Variants in KCNN2 observed in about 807,000 individuals in gnomAD.
KCNN2 encodes the protein small conductance calcium-activated potassium channel protein 2.
A neutral mutation model predicts 55.5 loss-of-function variants in KCNN2; 24 were observed. The observed-to-expected ratio is 0.43, with a 90% CI of 0.31 to 0.61. The LOEUF is 0.61. Ranked by LOEUF, KCNN2 falls within the 20% of genes least tolerant of loss-of-function variation. The probability of loss-of-function intolerance (pLI) is 0.08; values close to 1 mark genes in which losing one functional copy is unlikely to be tolerated. For missense variants in KCNN2, 754 were observed against 853.6 expected (o/e 0.88, Z 1.45); for synonymous variants, 431 against 336.1 (o/e 1.28, Z -3.09).
intron 4 of KCNN2, among the ~76,000 whole-genome samples, chr5:114,464,327 C>T (rs1554056905): frequency 5.9e-5 from 9 of 152,206 alleles, no homozygotes; most frequent in Non-Finnish European, 5.9e-5. Context: ...TTGCTTACAG[C>T]AAAGAGTGTC....
intron 4 of KCNN2, among the ~76,000 whole-genome samples, chr5:114,466,433 T>A (rs1761455526): frequency 6.6e-6 from 1 of 151,642 alleles, no homozygotes; most frequent in African/African-American, 2.4e-5. Flanking sequence ...ATAAAGTAAT[T>A]GTTTTACTTA....
chr5:114,384,381 G>A (rs1418309095), intron 2 of KCNN2, among the ~76,000 whole-genome samples: 1 of 152,142 alleles, frequency 6.6e-6, no homozygotes, highest in East Asian at 1.9e-4. Flanking sequence ...TCTAGGGGTT[G>A]TTCAGAAAGA....
rs70976327 is a variant in KCNN2 at position 114,241,824 on chromosome 5, GTATATATA to G, written c.-185+20273_-185+20280del. On this transcript the variant is annotated intron_variant, in intron 2 of 10. Coordinates refer to the KCNN2 transcript ENST00000512097. Reference sequence around the variant, plus strand: ...TATATACGTATATATATATATGTGTGTATATATATATATATATATATGGAGTGTGAAGG... The same window carrying G: ...TATATACGTATATATATATATGTGTGTATATATATATATGGAGTGTGAAGG... 7.5e-3 allele frequency among the ~76,000 whole-genome samples: 241 copies of G among 31,954 alleles called. 64 individuals are homozygous for G. The highest frequency in any genetic ancestry group is 0.026 in the Admixed American group (65 of 2,492). 21.0% of individuals were successfully genotyped at this position (31,954 alleles called of 152,430 possible).
chr5:114,297,192 G>A (rs907336684), intron 2 of KCNN2, among the ~76,000 whole-genome samples: 9 of 151,882 alleles, frequency 5.9e-5, no homozygotes, highest in East Asian at 1.9e-4. Context: ...ATGTGGTGGC[G>A]CCTGTAATCC....
At chr5:114,380,735 T>C (rs1432849919) in intron 2 of KCNN2, among the ~76,000 whole-genome samples, 1 of 152,220 alleles carries the variant, frequency 6.6e-6, no homozygotes, top group Non-Finnish European at 1.5e-5. Context: ...ATGAGGTTTT[T>C]GTTAGGATTG....
intron 2 of KCNN2, among the ~76,000 whole-genome samples, chr5:114,348,339 G>T (rs1158756506): frequency 6.6e-6 from 1 of 151,508 alleles, no homozygotes; most frequent in African/African-American, 2.4e-5. Context: ...GAGTTAATGG[G>T]TGCAGCACAC....
intron 3 of KCNN2, among the ~76,000 whole-genome samples, chr5:114,410,864 TA>T: frequency 6.6e-6 from 1 of 152,324 alleles, no homozygotes; most frequent in East Asian, 1.9e-4. Context: ...TCAGGGCACT[TA>T]AATATGTATT....
intron 2 of KCNN2, among the ~76,000 whole-genome samples, chr5:114,231,434 T>C (rs1347766789): frequency 2.7e-5 from 4 of 148,014 alleles, no homozygotes; most frequent in African/African-American, 1.0e-4. Flanking sequence ...CGTTTAAGTC[T>C]TTAATCCATC....
chr5:114,333,213 G>T (rs1400793349), intron 2 of KCNN2, among the ~76,000 whole-genome samples: 1 of 152,210 alleles, frequency 6.6e-6, no homozygotes, highest in African/African-American at 2.4e-5. Context: ...AAACACGGGA[G>T]CCGGGAGGGC....
chr5:114,340,857 C>T (rs951869565), intron 2 of KCNN2, among the ~76,000 whole-genome samples: 2 of 152,138 alleles, frequency 1.3e-5, no homozygotes, highest in South Asian at 2.1e-4. Context: ...CTTGCCTCAG[C>T]CCCTGGCAAC....
At chr5:114,073,792 G>A (rs781471151) in intron 1 of KCNN2, among the ~76,000 whole-genome samples, 110 of 152,136 alleles carry the variant, frequency 7.2e-4, no homozygotes, top group Non-Finnish European at 1.4e-3. Flanking sequence ...TAAATTGAAT[G>A]CTACTTACAA....
At chr5:114,312,448 T>C (rs1387574839) in intron 2 of KCNN2, among the ~76,000 whole-genome samples, 18 of 67,248 alleles carry the variant, frequency 2.7e-4, no homozygotes, top group African/African-American at 7.3e-4. Context: ...TATATATATA[T>C]ATATATATAT....
At chr5:114,060,227 C>G (rs568084011) in intron 1 of KCNN2, among the ~76,000 whole-genome samples, 2 of 152,332 alleles carry the variant, frequency 1.3e-5, no homozygotes, top group East Asian at 3.9e-4. Context: ...GGGCAGCTGG[C>G]CCTGCCCTGC....
chr5:114,261,674 A>C (rs1480785839), intron 2 of KCNN2, among the ~76,000 whole-genome samples: 6 of 152,208 alleles, frequency 3.9e-5, no homozygotes, highest in Non-Finnish European at 5.9e-5. Flanking sequence ...TGGGGTGAGC[A>C]GGCAGATAAC....
chr5:114,284,015 A>G (rs1265827216), intron 2 of KCNN2, among the ~76,000 whole-genome samples: 1 of 152,206 alleles, frequency 6.6e-6, no homozygotes, highest in Non-Finnish European at 1.5e-5. Context: ...ACATCCAGGA[A>G]GAGGGGATAT....
chr5:114,496,261 T>A lies in KCNN2; in HGVS notation c.*79T>A, dbSNP rs1748116162. ...TTTAGCTTTTATTGTAAAGCCCCTA[T>A]GGTTCTAATCAGCGTTATCCGGGTT... On this transcript the variant is annotated 3_prime_UTR_variant, in exon 8 of 8. Transcript: ENST00000673685. 1 of 1,469,942 alleles carries A rather than the reference T, an allele frequency of 6.8e-7. No homozygotes were observed. Among genetic ancestry groups the A allele is most frequent in the Admixed American group, 1.8e-5 (1 of 55,224 alleles). The allele number at this position is 1,469,942 out of a possible 1,614,324, so 91.1% of individuals were successfully genotyped here.
chr5:114,140,740 T>C (rs1465548393), intron 1 of KCNN2, among the ~76,000 whole-genome samples: 1 of 148,888 alleles, frequency 6.7e-6, no homozygotes, highest in Non-Finnish European at 1.5e-5. Flanking sequence ...ATTAGTCTAT[T>C]GCAAAACATT....
chr5:114,356,090 G>A (rs1757289284), intron 2 of KCNN2, among the ~76,000 whole-genome samples: 1 of 152,138 alleles, frequency 6.6e-6, no homozygotes, highest in Non-Finnish European at 1.5e-5. Context: ...TTCTTCAGCT[G>A]TGAAGAAGAG....
intron 2 of KCNN2, among the ~76,000 whole-genome samples, chr5:114,299,864 T>C (rs1756115638): frequency 6.6e-6 from 1 of 152,154 alleles, no homozygotes; most frequent in Admixed American, 6.5e-5. Flanking sequence ...TACCCAGTCA[T>C]CTACCACCCT....
Sources: gnomAD v4.1 joint callset for allele counts (sites outside exome capture counted in the v4.1 genomes callset) on GRCh38, gnomAD v4.1.1 for gene constraint, MANE v1.5 for transcripts, NCBI Gene and HGNC (gene_info 2026-07-23, HGNC 2026-07-21) for gene names.